The following FARS2 variants were observed in gnomAD, a reference collection of about 807,000 sequenced individuals.
The protein encoded by FARS2 is phenylalanine--tRNA ligase, mitochondrial.
Under a neutral mutation model 46.4 loss-of-function variants are expected in FARS2, and 40 were observed. The ratio of observed to expected loss-of-function variants is 0.86; its 90% CI spans 0.67 to 1.12. FARS2 has a LOEUF of 1.12. Ranked by LOEUF, FARS2 falls within the 50% of genes most tolerant of loss-of-function variation. The pLI is 0.00. For synonymous variants in FARS2, 234 were observed against 214.9 expected, an observed-to-expected ratio of 1.09 and a Z score of -0.78; for missense variants, 513 against 567.9, an observed-to-expected ratio of 0.90 and a Z score of 0.98.
chr6:5,475,191 AAG>A (rs1294669143), intron 4 of FARS2, among the ~76,000 whole-genome samples: 1 of 152,168 alleles, frequency 6.6e-6, no homozygotes, highest in African/African-American at 2.4e-5. Context: ...TTAGTCTTTG[AAG>A]AGGTTCCCAA....
At chr6:5,481,250 A>C (rs1305435119) in intron 4 of FARS2, among the ~76,000 whole-genome samples, 1 of 152,188 alleles carries the variant, frequency 6.6e-6, no homozygotes, top group Non-Finnish European at 1.5e-5. Context: ...CCACATGGAA[A>C]TGTGGACACA....
At chr6:5,330,224 C>T (rs564486382) in intron 1 of FARS2, among the ~76,000 whole-genome samples, 1 of 152,258 alleles carries the variant, frequency 6.6e-6, no homozygotes, top group South Asian at 2.1e-4. Flanking sequence ...GAACCTGGGA[C>T]AGTCAGCAAA....
intron 6 of FARS2, among the ~76,000 whole-genome samples, chr6:5,622,327 G>C (rs1193617081): frequency 6.6e-6 from 1 of 151,606 alleles, no homozygotes; most frequent in Non-Finnish European, 1.5e-5. Context: ...CTTATTGTTG[G>C]CTCATTCTTA....
At chr6:5,627,681 A>G (rs1776101641) in intron 6 of FARS2, among the ~76,000 whole-genome samples, 1 of 152,206 alleles carries the variant, frequency 6.6e-6, no homozygotes, top group African/African-American at 2.4e-5. Context: ...GCTTTCTACT[A>G]TATTTGGGAT....
At chr6:5,691,494 C>G (rs1757713332) in intron 6 of FARS2, among the ~76,000 whole-genome samples, 1 of 152,190 alleles carries the variant, frequency 6.6e-6, no homozygotes, top group African/African-American at 2.4e-5. Context: ...GTGGAGGCTG[C>G]AGAACAGCGG....
intron 6 of FARS2, among the ~76,000 whole-genome samples, chr6:5,623,461 C>T (rs1775874001): frequency 6.6e-6 from 1 of 152,104 alleles, no homozygotes; most frequent in Non-Finnish European, 1.5e-5. Flanking sequence ...TGTGTGTAAT[C>T]CCAGCACTTT....
At position 5,689,049 on chromosome 6, in the gene FARS2, C is replaced by A. The variant is rs566514496; in HGVS notation, c.1217+75729C>A. Reference sequence around the variant, plus strand: ...ATTTCTGTGGGATCAGTGGTGATATCCCCTTTATCATTTTTTATTGTGTCT... The same window carrying A: ...ATTTCTGTGGGATCAGTGGTGATATACCCTTTATCATTTTTTATTGTGTCT... On this transcript the variant is annotated intron_variant, in intron 6 of 6. Coordinates refer to ENST00000274680, the MANE Select transcript of FARS2 (RefSeq NM_006567.5). 4.6e-3 allele frequency among the ~76,000 whole-genome samples: 699 copies of A among 152,196 alleles called. 6 individuals carry two copies. The highest frequency in any genetic ancestry group is 0.016 in the African/African-American group (668 of 41,516).
At chr6:5,279,173 C>T (rs1029049766) in intron 1 of FARS2, among the ~76,000 whole-genome samples, 2 of 151,762 alleles carry the variant, frequency 1.3e-5, no homozygotes, top group Non-Finnish European at 1.5e-5. Context: ...GTCAGGAAAT[C>T]GAGAACACCC....
chr6:5,386,639 G>A (rs1483985842), intron 2 of FARS2, among the ~76,000 whole-genome samples: 1 of 152,062 alleles, frequency 6.6e-6, no homozygotes, highest in Non-Finnish European at 1.5e-5. Flanking sequence ...GGAATTAATT[G>A]GATTTTATCC....
At position 5,769,787 on chromosome 6, in the gene FARS2, G is replaced by T. The variant is rs188679789; in HGVS notation, c.1218-1504G>T. Among the ~76,000 whole-genome samples, 744 of 152,344 alleles carry T rather than the reference G, an allele frequency of 4.9e-3. 3 individuals carry two copies. Among genetic ancestry groups the T allele is most frequent in the Non-Finnish European group, 8.8e-3 (596 of 68,040 alleles). On this transcript the variant is annotated intron_variant, in intron 6 of 6. Coordinates refer to ENST00000274680, the MANE Select transcript of FARS2 (RefSeq NM_006567.5). ...CCAGCTTGTTTATCACAGCCCTTCA[G>T]TGGTAACTTCCTCCTGTGGCTTGAT...
intron 6 of FARS2, among the ~76,000 whole-genome samples, chr6:5,703,923 T>C (rs1758587557): frequency 6.6e-6 from 1 of 152,084 alleles, no homozygotes; most frequent in Non-Finnish European, 1.5e-5. Flanking sequence ...CCTCCTAAAC[T>C]GTCCCGATCT....
At chr6:5,757,609 C>T (rs1169791075) in intron 6 of FARS2, among the ~76,000 whole-genome samples, 4 of 152,216 alleles carry the variant, frequency 2.6e-5, no homozygotes, top group Non-Finnish European at 5.9e-5. Flanking sequence ...ATAGCTGAGA[C>T]GTTGACCGCA....
chr6:5,458,770 A>G (rs1355478971), intron 4 of FARS2, among the ~76,000 whole-genome samples: 9 of 152,214 alleles, frequency 5.9e-5, no homozygotes, highest in Non-Finnish European at 1.3e-4. Flanking sequence ...CATTTCAAGA[A>G]TCAACATGGG....
At chr6:5,341,206 TATATATATATATATATATATATATA>T (rs1266486349) in intron 1 of FARS2, among the ~76,000 whole-genome samples, 531 of 8,000 alleles carry the variant, frequency 0.066, 51 homozygotes, top group African/African-American at 0.18. Flanking sequence ...TATATATATA[TATATATATATATATATATATATATA>T]TATATTTTTT....
chr6:5,744,238 CAG>C (rs779213709), intron 6 of FARS2, among the ~76,000 whole-genome samples: 3 of 152,154 alleles, frequency 2.0e-5, no homozygotes, highest in Admixed American at 1.3e-4. Context: ...CAGAGGTGAA[CAG>C]GGGTGGAGAG....
chr6:5,647,112 G>T (rs182210301), intron 6 of FARS2, among the ~76,000 whole-genome samples: 2 of 152,138 alleles, frequency 1.3e-5, no homozygotes, highest in African/African-American at 4.8e-5. Flanking sequence ...CCTCACCAAC[G>T]GTAAAGGTAG....
chr6:5,420,899 C>G lies in FARS2; in HGVS notation c.773-10142C>G, dbSNP rs190103736. On this transcript the variant is annotated intron_variant, in intron 3 of 6. Coordinates refer to ENST00000274680, the MANE Select transcript of FARS2 (RefSeq NM_006567.5). ...TGCAGGAGGCAGGCTCCTGGTTCTTCTTGGTTGTGGACCCCAGACCCATTC... is the reference window on the plus strand; with the variant it reads ...TGCAGGAGGCAGGCTCCTGGTTCTTGTTGGTTGTGGACCCCAGACCCATTC... Among the ~76,000 whole-genome samples, 155 of 152,210 alleles carry G rather than the reference C, an allele frequency of 1.0e-3. 1 individual carries two copies. The highest frequency in any genetic ancestry group is 2.0e-3 in the Non-Finnish European group (133 of 68,016).
At chr6:5,291,200 C>A (rs1767480526) in intron 1 of FARS2, 1 of 152,168 alleles carries the variant, frequency 6.6e-6, no homozygotes, top group Non-Finnish European at 1.5e-5. Context: ...TAATAAGTTC[C>A]TAGTCATTTT....
At chr6:5,557,512 T>A (rs1016242756) in intron 5 of FARS2, among the ~76,000 whole-genome samples, 2 of 152,192 alleles carry the variant, frequency 1.3e-5, no homozygotes, top group Non-Finnish European at 1.5e-5. Flanking sequence ...GAAGTTAGCC[T>A]GTTATTTTCT....
Sources: allele counts gnomAD v4.1 joint callset (sites outside exome capture counted in the v4.1 genomes callset), GRCh38; gene constraint gnomAD v4.1.1; transcripts MANE v1.5; gene names NCBI Gene and HGNC (gene_info 2026-07-23, HGNC 2026-07-21).